Variants in MAST4 observed in about 807,000 individuals in gnomAD.
MAST4 encodes the protein microtubule-associated serine/threonine-protein kinase 4.
A neutral mutation model predicts 162.7 loss-of-function variants in MAST4; 89 were observed. That is an observed-to-expected ratio of 0.55 (90% CI 0.46 to 0.65). The LOEUF (loss-of-function observed/expected upper bound fraction) is 0.65. Among genes scored for constraint, MAST4 ranks in the 30% least tolerant of loss-of-function variants. The pLI, the probability that MAST4 is intolerant of heterozygous loss-of-function variation, is 0.00. For synonymous variants in MAST4, 1,479 were observed against 1,361.1 expected (o/e 1.09, Z -1.91); for missense variants, 3,153 against 3,374.0 (o/e 0.93, Z 1.62).
rs1372285864 is a variant in MAST4, at chr5:66,718,919, TA to T, written c.364-40787del. Among the ~76,000 whole-genome samples, 6 of 152,354 alleles carry T rather than the reference TA, an allele frequency of 3.9e-5. No individual in the cohort carries two copies. In the East Asian group the frequency reaches 1.2e-3, roughly 29 times the overall value. ...GGCGTCATTCTTAGTAATAGCTTTG[TA>T]AATTCACATGCTTAACCATGTAGAC... On this transcript the variant is annotated intron_variant, in intron 1 of 28. Coordinates refer to ENST00000403625, the MANE Select transcript of MAST4 (RefSeq NM_001164664.2).
At chr5:66,642,768 G>A (rs1402929556) in intron 1 of MAST4, among the ~76,000 whole-genome samples, 1 of 152,174 alleles carries the variant, frequency 6.6e-6, no homozygotes, top group Non-Finnish European at 1.5e-5. Context: ...AAACAAAATT[G>A]GTGGCTGAGC....
At chr5:66,710,153 C>T (rs936412194) in intron 1 of MAST4, among the ~76,000 whole-genome samples, 17 of 152,300 alleles carry the variant, frequency 1.1e-4, no homozygotes, top group African/African-American at 3.8e-4. Flanking sequence ...TTCCATTTCT[C>T]TCCTGGATTT....
chr5:67,078,665 A>ATATT (rs373797717), intron 5 of MAST4, among the ~76,000 whole-genome samples: 26,936 of 135,732 alleles, frequency 0.2, 4,413 homozygotes, highest in African/African-American at 0.44. Context: ...TATTTATTTT[A>ATATT]TATTTATATT....
intron 1 of MAST4, among the ~76,000 whole-genome samples, chr5:66,682,752 TC>T (rs1242831339): frequency 1.3e-5 from 2 of 152,146 alleles, no homozygotes; most frequent in Admixed American, 6.5e-5. Flanking sequence ...CCATTTTTTT[TC>T]CCCTTAAGAA....
At chr5:66,957,363 T>C (rs1353618625) in intron 4 of MAST4, among the ~76,000 whole-genome samples, 1 of 152,138 alleles carries the variant, frequency 6.6e-6, no homozygotes, top group East Asian at 1.9e-4. Flanking sequence ...TTGTTTGAGA[T>C]GGAGTCTTGC....
At position 66,774,994 on chromosome 5, in the gene MAST4, CCTGTGT is replaced by C. The variant is rs1260042356; in HGVS notation, c.518-13675_518-13670del. The stretch of plus-strand genomic sequence containing the variant: ...ATAGACATTCGTTCAATATCCTTTT[CCTGTGT>C]GTGTGTGTGTGTGTGTGTGTGTGTG... On this transcript the variant is annotated intron_variant, in intron 2 of 28. Transcript: ENST00000403625. Among the ~76,000 whole-genome samples, 861 of 102,214 alleles carry C rather than the reference CCTGTGT, an allele frequency of 8.4e-3. 12 individuals carry two copies. The highest frequency in any genetic ancestry group is 0.032 in the African/African-American group (840 of 26,102). The allele number at this position is 102,214 out of a possible 152,430, so 67.1% of individuals were successfully genotyped here. A position where few individuals can be genotyped will look rare whatever the true frequency, so the allele number is the denominator to read the frequency against.
At chr5:66,823,632 G>A (rs916653370) in intron 3 of MAST4, among the ~76,000 whole-genome samples, 3 of 151,998 alleles carry the variant, frequency 2.0e-5, no homozygotes, top group Non-Finnish European at 4.4e-5. Context: ...TGTGTGTGCT[G>A]CCACATCCCA....
At chr5:67,036,497 G>A (rs1025282212) in intron 4 of MAST4, among the ~76,000 whole-genome samples, 5 of 151,994 alleles carry the variant, frequency 3.3e-5, no homozygotes, top group Admixed American at 1.3e-4. Context: ...TCAGTGTCCC[G>A]AGGAGTTGGT....
At chr5:66,705,912 A>G (rs1284652324) in intron 1 of MAST4, among the ~76,000 whole-genome samples, 3 of 152,270 alleles carry the variant, frequency 2.0e-5, no homozygotes, top group Non-Finnish European at 2.9e-5. Context: ...AGGTATTGTT[A>G]TTATCCCCAA....
In MAST4 at chr5:66,931,209, G is replaced by A. The variant is rs538910573; in HGVS notation, c.674+31227G>A. ...TTCATGCTATGCATTTATACTTACC[G>A]AAGTATATAAAATGACATATTTTCT... is the stretch of plus-strand genomic sequence containing the variant. On this transcript the variant is annotated intron_variant, in intron 4 of 28. Coordinates refer to ENST00000403625, the MANE Select transcript of MAST4 (RefSeq NM_001164664.2). 6.0e-4 allele frequency among the ~76,000 whole-genome samples: 92 copies of A among 152,224 alleles called. 1 individual carries two copies. The South Asian group carries it at 0.018, about 29-fold the overall frequency.
intron 16 of MAST4, among the ~76,000 whole-genome samples, chr5:67,133,086 T>C (rs1706197021): frequency 6.6e-6 from 1 of 152,160 alleles, no homozygotes; most frequent in African/African-American, 2.4e-5. Flanking sequence ...AGTTGAAATC[T>C]GAAACAATAC....
chr5:66,961,727 TG>T (rs1390148155), intron 4 of MAST4, among the ~76,000 whole-genome samples: 5 of 152,102 alleles, frequency 3.3e-5, no homozygotes, highest in Non-Finnish European at 7.4e-5. Flanking sequence ...CTGGGAATGG[TG>T]TTAGTGCCTA....
chr5:66,919,915 TC>T (rs1561446022), intron 4 of MAST4, among the ~76,000 whole-genome samples: 2 of 12,040 alleles, frequency 1.7e-4, no homozygotes, highest in East Asian at 8.5e-4. Context: ...CTTCCTTCCT[TC>T]CTTCCTTCCT....
chr5:66,897,470 G>C lies in MAST4; in HGVS notation c.643-2481G>C, dbSNP rs903746953. 3.3e-5 allele frequency among the ~76,000 whole-genome samples: 5 copies of C among 152,216 alleles called. No homozygotes were observed. In the East Asian group the frequency reaches 9.6e-4, roughly 29 times the overall value. On this transcript the variant is annotated intron_variant, in intron 3 of 28. Transcript: ENST00000403625. ...AGGGCAGGAGCTGCTCCCCGCGCAG[G>C]CTGCAACCGCTTAGCCCTCCTGGTA...
In MAST4 at chr5:67,165,364, A is replaced by G; in HGVS notation, c.6185A>G (p.His2062Arg). Residue 2062 changes from histidine (H) to arginine (R), a missense_variant, in exon 29 of 29, where the codon CAC (histidine) becomes CGC (arginine). His to Arg is a conservative substitution (Grantham distance 29, BLOSUM62 0). Transcript: ENST00000403625. ...CCGCCCAGAGACAACTCCTCTCTGC[A>G]CTCAGCTGGAATTCCCTGTGAGAAG... is the stretch of plus-strand genomic sequence containing the variant. ...RPPPRDNSSL[H>R]SAGIPCEKEL... 1 of 1,613,652 alleles carries G rather than the reference A, an allele frequency of 6.2e-7. No individual in the cohort carries two copies. Among genetic ancestry groups the G allele is most frequent in the Non-Finnish European group, 8.5e-7 (1 of 1,179,842 alleles).
intron 9 of MAST4, 145 bp downstream of exon 9, chr5:67,102,756 G>C: frequency 3.0e-6 from 2 of 666,580 alleles, no homozygotes; most frequent in Non-Finnish European, 5.3e-6. Context: ...CTTAGAAAGA[G>C]AAAATAACTA....
At chr5:66,611,719 T>A (rs190055196) in intron 1 of MAST4, among the ~76,000 whole-genome samples, 147 of 152,368 alleles carry the variant, frequency 9.6e-4, no homozygotes, top group African/African-American at 3.2e-3. Context: ...GTGCTCGCTT[T>A]GTACTCCTGA....
chr5:66,719,951 C>T (rs900420057), intron 1 of MAST4, among the ~76,000 whole-genome samples: 3 of 152,038 alleles, frequency 2.0e-5, no homozygotes, highest in Non-Finnish European at 4.4e-5. Flanking sequence ...AAGAGTTATC[C>T]TTATAGAGAG....
At chr5:66,622,181 G>A (rs1400044250) in intron 1 of MAST4, among the ~76,000 whole-genome samples, 1 of 152,158 alleles carries the variant, frequency 6.6e-6, no homozygotes, top group African/African-American at 2.4e-5. Context: ...ATGTTTCCGT[G>A]AAAGTGACTT....
Sources: allele counts gnomAD v4.1 joint callset (sites outside exome capture counted in the v4.1 genomes callset), GRCh38; gene constraint gnomAD v4.1.1; transcripts MANE v1.5; gene names NCBI Gene and HGNC (gene_info 2026-07-23, HGNC 2026-07-21).